CPXM2: variants seen among roughly 807,000 people sequenced by gnomAD.
The protein encoded by CPXM2 is carboxypeptidase X, M14 family member 2, also known as inactive carboxypeptidase-like protein X2.
In CPXM2, 66 loss-of-function variants were observed where a neutral mutation model predicts 86.1. The ratio of observed to expected loss-of-function variants is 0.77; its 90% confidence interval spans 0.63 to 0.94. The LOEUF (loss-of-function observed/expected upper bound fraction) is 0.94, where lower values mean the gene tolerates loss of function less well. CPXM2 is among the 40% of genes least tolerant of loss of function. The pLI, the probability that CPXM2 is intolerant of heterozygous loss-of-function variation, is 0.00. For synonymous variants in CPXM2, 388 were observed against 400.2 expected (o/e 0.97, Z 0.36); for missense variants, 948 against 1,026.3 (o/e 0.92, Z 1.04).
chr10:123,931,745 G>T (rs1319712366), intron 2 of CPXM2: 1 of 152,176 alleles, frequency 6.6e-6, no homozygotes, highest in African/African-American at 2.4e-5. Context: ...TACATTTTTA[G>T]ATTAGTATAT....
At chr10:123,835,734 A>G (rs1374578558) in intron 4 of CPXM2, among the ~76,000 whole-genome samples, 1 of 152,186 alleles carries the variant, frequency 6.6e-6, no homozygotes, top group Non-Finnish European at 1.5e-5. Context: ...TGCTGGCCTC[A>G]CTTTGCATTC....
In CPXM2 at chr10:123,797,964, G is replaced by A. The variant is rs1009935133; in HGVS notation, c.889+12C>T. 1.9e-6 allele frequency: 3 copies of A among 1,590,078 alleles called. No individual in the cohort carries two copies. Among genetic ancestry groups the A allele is most frequent in the Non-Finnish European group, 2.6e-6 (3 of 1,168,828 alleles). On this transcript the variant is annotated intron_variant, in intron 6 of 13. Coordinates refer to ENST00000241305, the MANE Select transcript of CPXM2 (RefSeq NM_198148.3). The stretch of plus-strand genomic sequence containing the variant: ...CTCCCACCCTGCAGGAAGCACAGGA[G>A]GGTGAACTCACCTGGCAGTGGGCAG...
chr10:123,934,047 G>A (rs113345912), intron 2 of CPXM2, among the ~76,000 whole-genome samples: 15 of 152,246 alleles, frequency 9.9e-5, no homozygotes, highest in East Asian at 7.7e-4. Context: ...TCCTGGAGCC[G>A]GGGTAAGTCC....
At chr10:123,881,045 T>C (rs1434842517) in intron 1 of CPXM2, among the ~76,000 whole-genome samples, 2 of 151,442 alleles carry the variant, frequency 1.3e-5, no homozygotes, top group East Asian at 3.9e-4. Context: ...GCTGCCCCCA[T>C]TTGGGGAGCC....
upstream of CPXM2, among the ~76,000 whole-genome samples, chr10:123,943,763 G>T (rs7070932): frequency 1.3e-5 from 2 of 152,036 alleles, no homozygotes; most frequent in Non-Finnish European, 1.5e-5. Context: ...GCTGTCTGGC[G>T]CAATGAAGCC....
intron 2 of CPXM2, among the ~76,000 whole-genome samples, chr10:123,928,186 C>A (rs1195287001): frequency 1.3e-5 from 2 of 152,158 alleles, no homozygotes; most frequent in Non-Finnish European, 2.9e-5. Flanking sequence ...CAAGGGAGGC[C>A]ACCAGAGAGC....
intron 7 of CPXM2, chr10:123,777,707 G>C (rs985005464): frequency 6.5e-6 from 1 of 152,686 alleles, no homozygotes; most frequent in Non-Finnish European, 1.5e-5. Context: ...ACCCCTGCCT[G>C]CCAGTGCCAG....
At chr10:123,890,356 T>C (rs1374076589) in intron 1 of CPXM2, among the ~76,000 whole-genome samples, 1 of 152,232 alleles carries the variant, frequency 6.6e-6, no homozygotes, top group African/African-American at 2.4e-5. Flanking sequence ...AGGTCCACCC[T>C]TTCAGGAGTT....
rs1363721877 is a variant in CPXM2 at position 123,885,256 on chromosome 10, GAGGCTGGGAGGCTAGA to G, written c.305-4963_305-4948del. The stretch of plus-strand genomic sequence containing the variant: ...GATGCCTCTGAGCTGCCCCACTCCG[GAGGCTGGGAGGCTAGA>G]AGGCTGGGAGGCTGGGAGGCTGGAA... On this transcript the variant is annotated intron_variant, in intron 1 of 13. Transcript: ENST00000241305. The surrounding 1 kb of genome is among the most constrained non-coding windows in gnomAD (Gnocchi z 4.0). Among the ~76,000 whole-genome samples the G allele has an allele frequency of 6.6e-6, 1 of 152,134 alleles. No individual in the cohort carries two copies. Among genetic ancestry groups the G allele is most frequent in the Non-Finnish European group, 1.5e-5 (1 of 68,018 alleles).
At chr10:123,770,841 G>A in intron 8 of CPXM2, 75 bp downstream of exon 8, 15 of 1,438,630 alleles carry the variant, frequency 1.0e-5, no homozygotes, top group Non-Finnish European at 1.4e-5. Context: ...CTTCTCATAG[G>A]GTGAACAGTC....
intron 13 of CPXM2, chr10:123,751,768 T>C: frequency 1.0e-6 from 1 of 985,438 alleles, no homozygotes. Context: ...TCAGAGCTTT[T>C]CTTGAGAACC....
intron 4 of CPXM2, among the ~76,000 whole-genome samples, chr10:123,823,489 A>C (rs1847974133): frequency 6.6e-6 from 1 of 152,240 alleles, no homozygotes; most frequent in South Asian, 2.1e-4. Flanking sequence ...CAGTAAAAGA[A>C]AAAAGGTTGC....
chr10:123,938,432 G>A (rs764863977), intron 2 of CPXM2, among the ~76,000 whole-genome samples: 3 of 152,164 alleles, frequency 2.0e-5, no homozygotes, highest in South Asian at 2.1e-4. Context: ...ATCATGAGAT[G>A]GCTTCAAAGA....
chr10:123,849,181 G>GTTTTGTGTT (rs1210367019), intron 3 of CPXM2, among the ~76,000 whole-genome samples: 1 of 152,018 alleles, frequency 6.6e-6, no homozygotes, highest in Non-Finnish European at 1.5e-5. Flanking sequence ...CTATTGATCG[G>GTTTTGTGTT]TTTTGTGTTT....
chr10:123,882,183 T>A (rs1945104081), intron 1 of CPXM2, among the ~76,000 whole-genome samples: 1 of 152,220 alleles, frequency 6.6e-6, no homozygotes, highest in Admixed American at 6.5e-5. Flanking sequence ...TTTGTTATAT[T>A]CTTGGGTGGT....
At chr10:123,846,852 G>T (rs1848505887) in intron 3 of CPXM2, among the ~76,000 whole-genome samples, 1 of 152,140 alleles carries the variant, frequency 6.6e-6, no homozygotes, top group Non-Finnish European at 1.5e-5. Context: ...CATAAAAAAT[G>T]ATATTGAAGG....
chr10:123,781,869 C>G (rs1340062826), intron 6 of CPXM2, among the ~76,000 whole-genome samples: 1 of 152,194 alleles, frequency 6.6e-6, no homozygotes, highest in Non-Finnish European at 1.5e-5. Context: ...ATCCCCACAG[C>G]CACAGGTCAC....
intron 13 of CPXM2, chr10:123,749,981 T>TG (rs1349497966): frequency 1.3e-5 from 4 of 316,834 alleles, no homozygotes; most frequent in East Asian, 1.7e-4. Flanking sequence ...AATTTTTGTT[T>TG]TTTTTTTTTT....
At chr10:123,923,648 A>T (rs753776953) in intron 2 of CPXM2, among the ~76,000 whole-genome samples, 1 of 152,192 alleles carries the variant, frequency 6.6e-6, no homozygotes, top group Non-Finnish European at 1.5e-5. Context: ...TTGGATGATA[A>T]GGTTTGGCTG....
Sources: allele counts gnomAD v4.1 joint callset (sites outside exome capture counted in the v4.1 genomes callset), GRCh38; gene constraint gnomAD v4.1.1; non-coding constraint Gnocchi (gnomAD v3.1); transcripts MANE v1.5; gene names NCBI Gene and HGNC (gene_info 2026-07-23, HGNC 2026-07-21).